REPS1: variants seen among roughly 807,000 people sequenced by gnomAD.
The protein encoded by REPS1 is ralBP1-associated Eps domain-containing protein 1.
In REPS1, 39 loss-of-function variants were observed where a neutral mutation model predicts 100.9. The observed-to-expected ratio is 0.39, with a 90% confidence interval of 0.30 to 0.50. REPS1 has a LOEUF of 0.50. Among genes scored for constraint, REPS1 ranks in the 20% least tolerant of loss-of-function variants. The pLI, the probability that REPS1 is intolerant of heterozygous loss-of-function variation, is 0.86. For missense variants in REPS1, 821 were observed against 968.5 expected (o/e 0.85, Z 2.02); for synonymous variants, 324 against 340.3 (o/e 0.95, Z 0.53).
chr6:138,956,924 A>T (rs551905081), intron 1 of REPS1, among the ~76,000 whole-genome samples: 3 of 152,244 alleles, frequency 2.0e-5, no homozygotes, highest in South Asian at 4.2e-4. Context: ...ATGTTAAAAG[A>T]ACCATCAGAG....
At chr6:138,947,076 C>CTCTCTCTCTCTCTCTCTCTCT (rs754994209) in intron 2 of REPS1, among the ~76,000 whole-genome samples, 3 of 149,184 alleles carry the variant, frequency 2.0e-5, no homozygotes, top group African/African-American at 5.0e-5. Flanking sequence ...CTCTCTCTCT[C>CTCTCTCTCTCTCTCTCTCTCT]CTGTGGCCAC....
At chr6:138,908,876 T>C (rs1248375535) in intron 17 of REPS1, 60 bp from the exon 18 acceptor site, 2 of 1,493,830 alleles carry the variant, frequency 1.3e-6, no homozygotes, top group Non-Finnish European at 9.1e-7. Flanking sequence ...AGTTAGCACT[T>C]TGCAACACCA....
chr6:138,923,720 A>G (rs1422737328), intron 10 of REPS1, among the ~76,000 whole-genome samples: 2 of 152,196 alleles, frequency 1.3e-5, no homozygotes, highest in African/African-American at 4.8e-5. Context: ...ATGAAAGCTT[A>G]ATAACTAACC....
Position 138,945,525 on chromosome 6 carries a change from C to A in REPS1, c.450G>T (p.Gln150His), listed in dbSNP as rs796443203. 1.2e-6 allele frequency: 2 copies of A among 1,608,912 alleles called. No homozygotes were observed. The highest frequency in any genetic ancestry group is 1.7e-6 in the Non-Finnish European group (2 of 1,177,968). ...KKGSVSHDTV[Q>H]PRTSADAQEP... ...CCTGTGCATCTGCAGATGTACGAGG[C>A]TGAACCGTATCATGGCTTACGGATC... The change falls in exon 3 of 20, where the codon CAG (glutamine) becomes CAT (histidine). Residue 150 changes from glutamine (Q) to histidine (H), a missense_variant. Physicochemically the swap from Gln to His is conservative, Grantham distance 24. Transcript: ENST00000450536.
intron 8 of REPS1, among the ~76,000 whole-genome samples, chr6:138,939,769 T>C (rs1453328137): frequency 6.6e-6 from 1 of 152,228 alleles, no homozygotes; most frequent in Non-Finnish European, 1.5e-5. Context: ...GTTGTTTTTA[T>C]TTCTTAAGTA....
At position 138,920,150 on chromosome 6, in the gene REPS1, G is replaced by C. The variant is rs1714424725; in HGVS notation, c.1528+65C>G. ...GACGGTATTAAATGCATACACATCT[G>C]AAATAGTCAGACTCTAAATCCAGAC... is the stretch of plus-strand genomic sequence containing the variant. On this transcript the variant is annotated intron_variant, in intron 12 of 19. Coordinates refer to ENST00000450536, the MANE Select transcript of REPS1 (RefSeq NM_001286611.2). 6 of 871,926 alleles carry C rather than the reference G, an allele frequency of 6.9e-6. No individual in the cohort carries two copies. In the South Asian group the frequency reaches 8.4e-5, roughly 12 times the overall value. 54.0% of individuals were successfully genotyped at this position (871,926 alleles called of 1,614,324 possible).
In REPS1 at chr6:138,987,888, C is replaced by T; in HGVS notation, c.-206G>A. The T allele has an allele frequency of 2.2e-6, 1 of 462,914 alleles. No homozygotes were observed. 28.7% of individuals were successfully genotyped at this position (462,914 alleles called of 1,614,324 possible). A position where few individuals can be genotyped will look rare whatever the true frequency, so the allele number is the denominator to read the frequency against. ...GGGCCCGGCTGCGCTCGCCGCGCCG[C>T]TGCCTGCGAGGCCCGGCGCGCGGCT... On this transcript the variant is annotated 5_prime_UTR_variant, in exon 1 of 20. Coordinates refer to ENST00000450536, the MANE Select transcript of REPS1 (RefSeq NM_001286611.2).
In REPS1 at chr6:138,988,098, C is replaced by T; in HGVS notation, c.-416G>A. 4 of 398,186 alleles carry T rather than the reference C, an allele frequency of 1.0e-5. No individual in the cohort carries two copies. The highest frequency in any genetic ancestry group is 1.8e-5 in the Non-Finnish European group (4 of 225,790). The allele number at this position is 398,186 out of a possible 1,614,324, so 24.7% of individuals were successfully genotyped here. On this transcript the variant is annotated 5_prime_UTR_variant, in exon 1 of 20. Transcript: ENST00000450536. ...TTCCCGCCTCGGCTTCCCCTTCCGT[C>T]CACGCCTCCGGAGCGGCAGCGCTTC...
At chr6:138,934,264 G>GT (rs1781663106) in intron 8 of REPS1, 7 of 467,038 alleles carry the variant, frequency 1.5e-5, no homozygotes, top group South Asian at 1.1e-4. Context: ...CTGGAACACT[G>GT]TGTCAACCCT....
chr6:138,987,478 G>A (rs967868516), intron 1 of REPS1, 52 bp downstream of exon 1: 3 of 1,464,706 alleles, frequency 2.0e-6, no homozygotes, highest in South Asian at 2.6e-5. Flanking sequence ...CACTCCTGGA[G>A]GCCAGTGACT....
intron 1 of REPS1, among the ~76,000 whole-genome samples, chr6:138,959,028 A>C (rs1783573362): frequency 6.6e-6 from 1 of 152,184 alleles, no homozygotes; most frequent in Non-Finnish European, 1.5e-5. Context: ...AGGGCCCAAT[A>C]AACGGCAGAG....
intron 1 of REPS1, among the ~76,000 whole-genome samples, chr6:138,977,599 TTC>T (rs140235973): frequency 0.15 from 22,508 of 152,194 alleles, 1,753 homozygotes; most frequent in African/African-American, 0.17. Context: ...ACTAATTTGT[TTC>T]TTTTTTATTG....
chr6:138,930,140 T>C, intron 8 of REPS1, 42 bp from the exon 9 acceptor site: 1 of 1,568,464 alleles, frequency 6.4e-7, no homozygotes, highest in Non-Finnish European at 8.7e-7. Flanking sequence ...AAGACTACAT[T>C]GTAGTTTATT....
chr6:138,920,061 C>T (rs1780649906), intron 12 of REPS1, among the ~76,000 whole-genome samples, 154 bp downstream of exon 12: 1 of 152,130 alleles, frequency 6.6e-6, no homozygotes, highest in Non-Finnish European at 1.5e-5. Context: ...AATGGGCAAC[C>T]ATTTATTCAC....
intron 1 of REPS1, among the ~76,000 whole-genome samples, chr6:138,957,030 A>C (rs1479953071): frequency 7.2e-6 from 1 of 138,928 alleles, no homozygotes; most frequent in Non-Finnish European, 1.5e-5. Flanking sequence ...AAGATAAATT[A>C]GAAAAATACA....
intron 1 of REPS1, among the ~76,000 whole-genome samples, chr6:138,968,832 G>A (rs1359394837): frequency 6.6e-6 from 1 of 152,136 alleles, no homozygotes; most frequent in Non-Finnish European, 1.5e-5. Flanking sequence ...CAAATAATAT[G>A]AGAACGGTGT....
chr6:138,978,089 C>A (rs989913369), intron 1 of REPS1, among the ~76,000 whole-genome samples: 1 of 110,826 alleles, frequency 9.0e-6, no homozygotes, highest in East Asian at 3.7e-4. Context: ...AATGGGCTTT[C>A]GCCCAGTTTT....
chr6:138,913,024 TTC>T (rs2128431732), intron 15 of REPS1, 74 bp from the exon 16 acceptor site: 13 of 1,267,458 alleles, frequency 1.0e-5, no homozygotes, highest in Admixed American at 5.3e-5. Flanking sequence ...CTTCTTCTTC[TTC>T]GAAAACTTAG....
chr6:138,955,471 T>A (rs1355245681), intron 1 of REPS1, among the ~76,000 whole-genome samples: 2 of 147,614 alleles, frequency 1.4e-5, no homozygotes, highest in East Asian at 4.0e-4. Flanking sequence ...TGTGTGTGTG[T>A]GTGTGTGTGT....
Sources: allele counts gnomAD v4.1 joint callset (sites outside exome capture counted in the v4.1 genomes callset), GRCh38; gene constraint gnomAD v4.1.1; transcripts MANE v1.5; gene names NCBI Gene and HGNC (gene_info 2026-07-23, HGNC 2026-07-21).